The following ELOB variants were observed in gnomAD, a reference collection of about 807,000 sequenced individuals.
ELOB encodes elongin-B.
Under a neutral mutation model 12.9 loss-of-function variants are expected in ELOB, and 3 were observed. The ratio of observed to expected loss-of-function variants is 0.23; its 90% CI spans 0.11 to 0.60. ELOB has a LOEUF of 0.60. Ranked by LOEUF, ELOB falls within the 20% of genes least tolerant of loss-of-function variation. The pLI, the probability that ELOB is intolerant of heterozygous loss-of-function variation, is 0.89. For missense variants in ELOB, 126 were observed against 159.2 expected, an observed-to-expected ratio of 0.79 and a Z score of 1.12; for synonymous variants, 84 against 67.4, an observed-to-expected ratio of 1.25 and a Z score of -1.21.
At chr16:2,774,540 G>C (rs890721977) in intron 3 of ELOB, among the ~76,000 whole-genome samples, 3 of 152,218 alleles carry the variant, frequency 2.0e-5, no homozygotes, top group African/African-American at 7.2e-5. Context: ...CTGAACTTAT[G>C]GAACGGAAAG....
Position 2,771,656 on chromosome 16 carries a change from T to C in ELOB, c.*334A>G, listed in dbSNP as rs551320585. 16 of 1,611,346 alleles carry C rather than the reference T, an allele frequency of 9.9e-6. No individual in the cohort carries two copies. The East Asian group carries it at 1.6e-4, about 16-fold the overall frequency. ...GAGAAAGGCCTAAAACTGGAATCTC[T>C]TGTCCCTGAGGCTGGCTCTGGTCTT... On this transcript the variant is annotated 3_prime_UTR_variant, in exon 4 of 4. Transcript: ENST00000409906.
At chr16:2,773,227 T>C (rs1400712233) in intron 3 of ELOB, among the ~76,000 whole-genome samples, 4 of 152,042 alleles carry the variant, frequency 2.6e-5, no homozygotes, top group Non-Finnish European at 4.4e-5. Flanking sequence ...GAATGCCTGA[T>C]CACAGTTGTG....
intron 2 of ELOB, 42 bp from the exon 3 acceptor site, chr16:2,775,598 G>A (rs1177248168): frequency 2.0e-6 from 3 of 1,536,542 alleles, no homozygotes; most frequent in East Asian, 2.3e-5. Context: ...CCTACATGGG[G>A]CAAGTCCCAA....
intron 3 of ELOB, among the ~76,000 whole-genome samples, chr16:2,773,092 C>T (rs1219711912): frequency 1.3e-5 from 2 of 152,094 alleles, no homozygotes; most frequent in African/African-American, 4.8e-5. Flanking sequence ...CTGTCTTGTC[C>T]CTACTGTCAC....
Position 2,772,107 on chromosome 16 carries a change from G to C in ELOB, c.245-5C>G, listed in dbSNP as rs1306976479. On this transcript the variant is annotated splice_region_variant and splice_polypyrimidine_tract_variant and intron_variant, in intron 3 of 3. Coordinates refer to ENST00000409906, the MANE Select transcript of ELOB (RefSeq NM_007108.4). ...ACAGGGCCTCAAAGGTGTCATCTGT[G>C]GAGGAAGCAGCAGAGCTGCAGGGGG... The C allele has an allele frequency of 6.3e-7, 1 of 1,599,756 alleles. No individual in the cohort carries two copies. The highest frequency in any genetic ancestry group is 8.5e-7 in the Non-Finnish European group (1 of 1,171,810).
At chr16:2,774,287 G>C (rs1017280733) in intron 3 of ELOB, among the ~76,000 whole-genome samples, 3 of 152,234 alleles carry the variant, frequency 2.0e-5, no homozygotes, top group Non-Finnish European at 4.4e-5. Context: ...GTCTATGCCA[G>C]CCCTGCACCT....
In ELOB at chr16:2,777,279, G is replaced by C; in HGVS notation, c.-40C>G. The C allele has an allele frequency of 4.9e-6, 5 of 1,012,648 alleles. No homozygotes were observed. Among genetic ancestry groups the C allele is most frequent in the Non-Finnish European group, 5.9e-6 (5 of 849,398 alleles). 62.7% of individuals were successfully genotyped at this position (1,012,648 alleles called of 1,614,324 possible). A position where few individuals can be genotyped will look rare whatever the true frequency, so the allele number is the denominator to read the frequency against. On this transcript the variant is annotated 5_prime_UTR_variant, in exon 1 of 4. Transcript: ENST00000409906. Reference sequence around the variant, plus strand: ...CTCCCCTCGACGCGCCGGCGCAGCCGCGCTCCGCCCCGTTCCCGGCAGCCC... The same window carrying C: ...CTCCCCTCGACGCGCCGGCGCAGCCCCGCTCCGCCCCGTTCCCGGCAGCCC...
chr16:2,774,395 T>A (rs1232198624), intron 3 of ELOB, among the ~76,000 whole-genome samples: 1 of 152,182 alleles, frequency 6.6e-6, no homozygotes, highest in Non-Finnish European at 1.5e-5. Context: ...CTGGGGTGCA[T>A]GAGGACTCAA....
chr16:2,773,006 G>A (rs1426893289), intron 3 of ELOB, among the ~76,000 whole-genome samples: 2 of 152,152 alleles, frequency 1.3e-5, no homozygotes, highest in East Asian at 3.9e-4. Context: ...AAGACATCCT[G>A]ACACTCTGGG....
At position 2,771,775 on chromosome 16, in the gene ELOB, G is replaced by A. The variant is rs536821959; in HGVS notation, c.*215C>T. 2 of 1,468,714 alleles carry A rather than the reference G, an allele frequency of 1.4e-6. No individual in the cohort carries two copies. The highest frequency in any genetic ancestry group is 1.4e-5 in the South Asian group (1 of 71,272). 91.0% of individuals were successfully genotyped at this position (1,468,714 alleles called of 1,614,324 possible). On this transcript the variant is annotated 3_prime_UTR_variant, in exon 4 of 4. Coordinates refer to ENST00000409906, the MANE Select transcript of ELOB (RefSeq NM_007108.4). The stretch of plus-strand genomic sequence containing the variant: ...TGGCTTGGGTCTCAGGGCAACCCAG[G>A]TCCCCATGGTGCCTTTAAGCAGCAG...
chr16:2,771,645 A>G lies in ELOB; in HGVS notation c.*345T>C. The G allele has an allele frequency of 1.2e-6, 2 of 1,612,622 alleles. No homozygotes were observed. Among genetic ancestry groups the G allele is most frequent in the East Asian group, 2.2e-5 (1 of 44,878 alleles). On this transcript the variant is annotated 3_prime_UTR_variant, in exon 4 of 4. Coordinates refer to ENST00000409906, the MANE Select transcript of ELOB (RefSeq NM_007108.4). The stretch of plus-strand genomic sequence containing the variant: ...GCACTTAGAAGGAGAAAGGCCTAAA[A>G]CTGGAATCTCTTGTCCCTGAGGCTG...
At position 2,777,063 on chromosome 16, in the gene ELOB, G is replaced by C. The variant is rs11552267; in HGVS notation, c.68C>G (p.Thr23Arg). 6.2e-7 allele frequency: 1 copy of C among 1,605,886 alleles called. No homozygotes were observed. The highest frequency in any genetic ancestry group is 8.5e-7 in the Non-Finnish European group (1 of 1,177,430). Residue 23 changes from threonine to arginine, a missense_variant, in exon 2 of 4, where the codon ACG becomes AGG. Coordinates refer to ENST00000409906, the MANE Select transcript of ELOB (RefSeq NM_007108.4). ...TIFTDAKESS[T>R]VFELKRIVEG... ...GACGATGCGCTTCAGTTCGAACACC[G>C]TGCTGGACTCCTTGGCGTCCGTGAA...
rs375740847 is a variant in ELOB, at chr16:2,776,990, C to T, written c.138+3G>A. The T allele has an allele frequency of 7.0e-6, 11 of 1,573,200 alleles. No homozygotes were observed. Among genetic ancestry groups the T allele is most frequent in the Non-Finnish European group, 9.5e-6 (11 of 1,161,490 alleles). ...CTCCCCTCGGCCCGCCCGCGGGACC[C>T]ACCTTGTACAGCCGCTGCTCGTCAG... On this transcript the variant is annotated splice_donor_region_variant and intron_variant, in intron 2 of 3. Coordinates refer to ENST00000409906, the MANE Select transcript of ELOB (RefSeq NM_007108.4).
chr16:2,774,768 T>C (rs868398771), intron 3 of ELOB, among the ~76,000 whole-genome samples: 4 of 152,046 alleles, frequency 2.6e-5, no homozygotes, highest in Non-Finnish European at 2.9e-5. Context: ...GAAGAAGATA[T>C]CTTGGCGAGT....
intron 2 of ELOB, 26 bp downstream of exon 2, chr16:2,776,966 TC>T: frequency 6.5e-7 from 1 of 1,541,016 alleles, no homozygotes; most frequent in African/African-American, 1.4e-5. Flanking sequence ...GGGTACCCGC[TC>T]CCCTCGGCCC....
At chr16:2,772,849 C>CT (rs1479252751) in intron 3 of ELOB, among the ~76,000 whole-genome samples, 1 of 52,728 alleles carries the variant, frequency 1.9e-5, no homozygotes, top group African/African-American at 6.4e-5. Context: ...CTCTGGCTCT[C>CT]TATGTTCTTC....
chr16:2,774,731 A>G (rs1276942173), intron 3 of ELOB, among the ~76,000 whole-genome samples: 1 of 152,210 alleles, frequency 6.6e-6, no homozygotes, highest in African/African-American at 2.4e-5. Context: ...AAAATATTTT[A>G]AATCTCCCCT....
At chr16:2,775,713 G>A (rs867426656) in intron 2 of ELOB, 157 bp from the exon 3 acceptor site, 11 of 534,302 alleles carry the variant, frequency 2.1e-5, no homozygotes, top group Middle Eastern at 4.5e-4. Context: ...CAGATTCCAG[G>A]GTTATATCCA....
intron 3 of ELOB, among the ~76,000 whole-genome samples, chr16:2,773,330 C>T (rs1264754229): frequency 1.3e-5 from 2 of 152,086 alleles, no homozygotes; most frequent in African/African-American, 2.4e-5. Context: ...ACAAGGCAAC[C>T]CACACAGCAA....
Sources: gnomAD v4.1 joint callset for allele counts (sites outside exome capture counted in the v4.1 genomes callset) on GRCh38, gnomAD v4.1.1 for gene constraint, MANE v1.5 for transcripts, NCBI Gene and HGNC (gene_info 2026-07-23, HGNC 2026-07-21) for gene names.